ATP11B: variants seen among roughly 807,000 people sequenced by gnomAD.
ATP11B encodes ATPase phospholipid transporting 11B (putative).
In ATP11B, 81 loss-of-function variants were observed where a neutral mutation model predicts 157.8. The observed-to-expected ratio is 0.51, with a 90% CI of 0.43 to 0.62. The LOEUF is 0.62. Among genes scored for constraint, ATP11B ranks in the 20% least tolerant of loss-of-function variants. The pLI, the probability that ATP11B is intolerant of heterozygous loss-of-function variation, is 0.00. For synonymous variants in ATP11B, 451 were observed against 469.4 expected (o/e 0.96, Z 0.51); for missense variants, 1,165 against 1,402.2 (o/e 0.83, Z 2.70).
rs767561810 is a variant in ATP11B, at chr3:182,842,070, G to C, written c.657-5G>C. On this transcript the variant is annotated splice_polypyrimidine_tract_variant and splice_region_variant and intron_variant, in intron 7 of 29. Transcript: ENST00000323116. ...TATGTTTTTGTAATGTGAATTTTTT[G>C]ATAGATTCATGGGACGAATGATCAT... 1.3e-6 allele frequency: 2 copies of C among 1,566,096 alleles called. No homozygotes were observed. The highest frequency in any genetic ancestry group is 3.4e-5 in the Admixed American group (2 of 58,000).
chr3:182,839,590 T>G (rs2108513332), intron 7 of ATP11B, among the ~76,000 whole-genome samples: 3 of 152,196 alleles, frequency 2.0e-5, no homozygotes, highest in Middle Eastern at 3.4e-3. Flanking sequence ...CTTTTTCTTT[T>G]CCATTTTTTA....
intron 9 of ATP11B, among the ~76,000 whole-genome samples, chr3:182,846,432 T>A (rs1719535942): frequency 1.3e-5 from 2 of 152,172 alleles, no homozygotes; most frequent in African/African-American, 4.8e-5. Flanking sequence ...CTTCAATAAG[T>A]TAAATATAGA....
Position 182,919,360 on chromosome 3 carries a change from T to C in ATP11B, c.*1256T>C, listed in dbSNP as rs927732343. On this transcript the variant is annotated 3_prime_UTR_variant, in exon 30 of 30. Transcript: ENST00000323116. The stretch of plus-strand genomic sequence containing the variant: ...CAGGTAATGTTAGCAATAAATTAAA[T>C]GCTAAGAATGATTAATCGGGTACAT... 1 of 152,638 alleles carries C rather than the reference T, an allele frequency of 6.6e-6. No homozygotes were observed. The highest frequency in any genetic ancestry group is 1.5e-5 in the Non-Finnish European group (1 of 68,026). The allele number at this position is 152,638 out of a possible 1,614,324, so 9.5% of individuals were successfully genotyped here.
intron 4 of ATP11B, among the ~76,000 whole-genome samples, chr3:182,832,142 TTAATA>T (rs1383374334): frequency 2.0e-4 from 31 of 152,196 alleles, no homozygotes; most frequent in Non-Finnish European, 4.3e-4. Context: ...AAGTAAGAGT[TTAATA>T]TAATCATAAT....
chr3:182,823,140 T>C (rs958108001), intron 2 of ATP11B, among the ~76,000 whole-genome samples: 7 of 152,254 alleles, frequency 4.6e-5, no homozygotes, highest in Non-Finnish European at 7.3e-5. Flanking sequence ...TTGTCAATTT[T>C]GGCTTTTGTT....
rs1366125724 is a variant in ATP11B, at chr3:182,857,868, C to G, written c.852-10C>G. 6.9e-7 allele frequency: 1 copy of G among 1,450,876 alleles called. No individual in the cohort carries two copies. Among genetic ancestry groups the G allele is most frequent in the African/African-American group, 1.4e-5 (1 of 71,104 alleles). The allele number at this position is 1,450,876 out of a possible 1,614,324, so 89.9% of individuals were successfully genotyped here. On this transcript the variant is annotated splice_polypyrimidine_tract_variant and intron_variant, in intron 10 of 29. Coordinates refer to ENST00000323116, the MANE Select transcript of ATP11B (RefSeq NM_014616.3). Reference sequence around the variant, plus strand: ...GTTGTATGTTTTATATTCTCTTTTTCTTCCTTAAGGTCAATGAATACATTT... The same window carrying G: ...GTTGTATGTTTTATATTCTCTTTTTGTTCCTTAAGGTCAATGAATACATTT...
chr3:182,917,887 G>C, intron 29 of ATP11B, 136 bp from the exon 30 acceptor site: 1 of 1,362,030 alleles, frequency 7.3e-7, no homozygotes, highest in Non-Finnish European at 9.5e-7. Context: ...TTCGATACTA[G>C]TATGAAGAAC....
chr3:182,900,919 C>T lies in ATP11B; in HGVS notation c.3318+2147C>T, dbSNP rs537329971. On this transcript the variant is annotated intron_variant, in intron 28 of 29. Coordinates refer to ENST00000323116, the MANE Select transcript of ATP11B (RefSeq NM_014616.3). ...AAAATAGGCCAGGCATGGTGGCTCA[C>T]GCTTGTAACCCCAGCACTTTGGGAG... Among the ~76,000 whole-genome samples the T allele has an allele frequency of 1.7e-4, 26 of 152,088 alleles. No homozygotes were observed. The South Asian group carries it at 3.5e-3, about 21-fold the overall frequency.
At chr3:182,911,464 A>AC (rs1560134391) in intron 28 of ATP11B, among the ~76,000 whole-genome samples, 1 of 152,024 alleles carries the variant, frequency 6.6e-6, no homozygotes, top group Admixed American at 6.6e-5. Context: ...AAGCAAAGAA[A>AC]CCAAGATTCA....
chr3:182,845,016 A>AT (rs1719388347), intron 8 of ATP11B, among the ~76,000 whole-genome samples: 4 of 79,846 alleles, frequency 5.0e-5, no homozygotes, highest in African/African-American at 2.1e-4. Flanking sequence ...ATTTTTTTTT[A>AT]TTTTTGAGAT....
At chr3:182,822,766 C>T (rs1195470556) in intron 2 of ATP11B, among the ~76,000 whole-genome samples, 2 of 152,212 alleles carry the variant, frequency 1.3e-5, no homozygotes, top group Non-Finnish European at 2.9e-5. Flanking sequence ...TCTCCACATC[C>T]TCTCCAGCAC....
Position 182,842,095 on chromosome 3 carries a change from TA to T in ATP11B, c.679del (p.Thr227ProfsTer8). Reference sequence around the variant, plus strand: ...GATAGATTCATGGGACGAATGATCATAACCCAACAAATGGAAGAAATTGTAA... The same window carrying T: ...GATAGATTCATGGGACGAATGATCATACCCAACAAATGGAAGAAATTGTAA... ...DLYRFMGRMIITQQMEEIVRP... is the reference protein window; with the variant it reads ...DLYRFMGRMIXTQQMEEIVRP... On this transcript the variant is annotated frameshift_variant, in exon 8 of 30. Transcript: ENST00000323116. LOFTEE classifies it high-confidence loss of function. 6.2e-7 allele frequency: 1 copy of T among 1,604,722 alleles called. No individual in the cohort carries two copies. The highest frequency in any genetic ancestry group is 8.5e-7 in the Non-Finnish European group (1 of 1,172,402).
At chr3:182,866,869 CAT>C (rs1026993720) in intron 14 of ATP11B, among the ~76,000 whole-genome samples, 19 of 145,380 alleles carry the variant, frequency 1.3e-4, no homozygotes, top group Admixed American at 2.8e-4. Context: ...TTATATATAA[CAT>C]ATATAAATAA....
chr3:182,913,332 A>G (rs1724922870), intron 28 of ATP11B, among the ~76,000 whole-genome samples: 1 of 152,190 alleles, frequency 6.6e-6, no homozygotes, highest in Non-Finnish European at 1.5e-5. Flanking sequence ...AAGCATACGT[A>G]AAGTGTTTGC....
At chr3:182,906,030 C>T in intron 28 of ATP11B, 2 of 343,966 alleles carry the variant, frequency 5.8e-6, no homozygotes, top group Non-Finnish European at 5.9e-6. Flanking sequence ...AATTCCTTCA[C>T]TGTTCCTCAT....
At chr3:182,853,294 G>A (rs1036165411) in intron 10 of ATP11B, among the ~76,000 whole-genome samples, 4 of 151,952 alleles carry the variant, frequency 2.6e-5, no homozygotes, top group East Asian at 1.9e-4. Flanking sequence ...TGCAACCTCC[G>A]CCTCCCGGGT....
chr3:182,862,962 C>T (rs1338907373), intron 12 of ATP11B, among the ~76,000 whole-genome samples: 2 of 151,962 alleles, frequency 1.3e-5, no homozygotes, highest in African/African-American at 4.8e-5. Flanking sequence ...GTCTCCCAGG[C>T]TGGAGTGCAG....
rs563796820 is a variant in ATP11B at position 182,887,356 on chromosome 3, A to T, written c.2716-230A>T. Among the ~76,000 whole-genome samples, 147 of 152,348 alleles carry T rather than the reference A, an allele frequency of 9.6e-4. 1 individual carries two copies. The highest frequency in any genetic ancestry group is 3.4e-3 in the African/African-American group (140 of 41,592). The stretch of plus-strand genomic sequence containing the variant: ...TCTAACTCACGATAATTCCAGAAGC[A>T]CCTGATATAGCAAAATATTCCAGTT... On this transcript the variant is annotated intron_variant, in intron 23 of 29. Transcript: ENST00000323116.
chr3:182,839,670 C>T (rs1216929360), intron 7 of ATP11B, among the ~76,000 whole-genome samples: 7 of 150,264 alleles, frequency 4.7e-5, no homozygotes, highest in South Asian at 2.1e-4. Context: ...AGTGCAGTGA[C>T]GCGATCTTAG....
Sources: gnomAD v4.1 joint callset for allele counts (sites outside exome capture counted in the v4.1 genomes callset) on GRCh38, gnomAD v4.1.1 for gene constraint, MANE v1.5 for transcripts, NCBI Gene and HGNC (gene_info 2026-07-23, HGNC 2026-07-21) for gene names.